The following ZBTB20 variants were observed in gnomAD, a reference collection of about 807,000 sequenced individuals.
The protein encoded by ZBTB20 is zinc finger and BTB domain containing 20, also known as zinc finger and BTB domain-containing protein 20.
ZBTB20 carries 9 observed loss-of-function variants against 56.9 expected under a neutral mutation model. The observed-to-expected ratio is 0.16, with a 90% CI of 0.10 to 0.28. ZBTB20 has a LOEUF of 0.28. Ranked by LOEUF, ZBTB20 falls within the 10% of genes least tolerant of loss-of-function variation. The pLI, the probability that ZBTB20 is intolerant of heterozygous loss-of-function variation, is 1.00. For missense variants in ZBTB20, 655 were observed against 1,003.0 expected (o/e 0.65, Z 4.69); for synonymous variants, 417 against 420.7 (o/e 0.99, Z 0.11).
intron 2 of ZBTB20, among the ~76,000 whole-genome samples, chr3:114,993,421 T>A (rs1347262891): frequency 6.6e-6 from 1 of 151,866 alleles, no homozygotes; most frequent in Non-Finnish European, 1.5e-5. Flanking sequence ...ATTACATCAT[T>A]TTGAACTAAC....
At chr3:114,644,593 A>G (rs2059740652) in intron 6 of ZBTB20, among the ~76,000 whole-genome samples, 1 of 152,132 alleles carries the variant, frequency 6.6e-6, no homozygotes, top group Admixed American at 6.6e-5. Context: ...TTAAAAAATC[A>G]AAGAACAACA....
In ZBTB20 at chr3:114,621,687, G is replaced by A. The variant is rs549913804; in HGVS notation, c.-295+71841C>T. 1.2e-4 allele frequency among the ~76,000 whole-genome samples: 19 copies of A among 152,144 alleles called. No individual in the cohort carries two copies. The East Asian group carries it at 2.9e-3, about 23-fold the overall frequency. On this transcript the variant is annotated intron_variant, in intron 6 of 11. Coordinates refer to ENST00000675478, the MANE Select transcript of ZBTB20 (RefSeq NM_001348800.3). ...AAGTACTTACAGCTAAAATATGCACGCAAGAAAATACACATTTCACAACAT... is the reference window on the plus strand; with the variant it reads ...AAGTACTTACAGCTAAAATATGCACACAAGAAAATACACATTTCACAACAT...
intron 7 of ZBTB20, among the ~76,000 whole-genome samples, chr3:114,467,362 T>C (rs773265012): frequency 1.3e-5 from 2 of 152,150 alleles, no homozygotes; most frequent in East Asian, 1.9e-4. Context: ...ACTTACATTT[T>C]GTGGGCAGAT....
rs754310386 is a variant in ZBTB20 at position 114,350,756 on chromosome 3, A to G, written c.1322T>C (p.Met441Thr). Residue 441 changes from methionine to threonine, a missense_variant, in exon 11 of 12, where the codon ATG becomes ACG. Around this residue, in one of 10 missense-constraint regions of ZBTB20, gnomAD observed 156 missense variants for 181.0 expected, o/e 0.86. Transcript: ENST00000675478. ...SSPERSNEVE[M>T]DSTVITVSNS... ...GCTGACAGTGATAACAGTGCTGTCC[A>G]TCTCCACTTCATTGCTTCTCTCCGG... is the stretch of plus-strand genomic sequence containing the variant. 2 of 1,614,010 alleles carry G rather than the reference A, an allele frequency of 1.2e-6. No individual in the cohort carries two copies. Among genetic ancestry groups the G allele is most frequent in the Non-Finnish European group, 1.7e-6 (2 of 1,180,018 alleles).
intron 6 of ZBTB20, among the ~76,000 whole-genome samples, chr3:114,535,019 A>T (rs1351673968): frequency 2.0e-5 from 3 of 152,242 alleles, no homozygotes; most frequent in African/African-American, 7.2e-5. Context: ...ATAGCACTAA[A>T]TGCCCACAGG....
intron 6 of ZBTB20, among the ~76,000 whole-genome samples, chr3:114,623,127 G>A (rs1365596847): frequency 2.0e-5 from 3 of 152,112 alleles, no homozygotes; most frequent in Non-Finnish European, 4.4e-5. Context: ...CCAGTAAGAT[G>A]GAATACCTCT....
At chr3:114,901,864 T>A (rs951541717) in intron 3 of ZBTB20, among the ~76,000 whole-genome samples, 5 of 152,250 alleles carry the variant, frequency 3.3e-5, no homozygotes, top group African/African-American at 1.2e-4. Context: ...AGTGATTATA[T>A]CTGGATAATA....
intron 7 of ZBTB20, among the ~76,000 whole-genome samples, chr3:114,494,181 T>C (rs986339572): frequency 2.6e-5 from 4 of 152,218 alleles, no homozygotes; most frequent in African/African-American, 9.7e-5. Context: ...TTATTGTTAT[T>C]ATTAGTTGAA....
chr3:114,468,547 T>C (rs1212729611), intron 7 of ZBTB20, among the ~76,000 whole-genome samples: 1 of 152,218 alleles, frequency 6.6e-6, no homozygotes, highest in Non-Finnish European at 1.5e-5. Flanking sequence ...TCTGCATTCA[T>C]TCTTTCAAGA....
In ZBTB20 at chr3:115,063,679, AC is replaced by A. The variant is rs1393184686; in HGVS notation, c.-507+7539del. On this transcript the variant is annotated intron_variant, in intron 2 of 11. Transcript: ENST00000675478. ...CACACACACACACACACACACACAC[AC>A]ACAAACACACACACACAGTTTACCA... 1.1e-3 allele frequency among the ~76,000 whole-genome samples: 167 copies of A among 151,478 alleles called. 1 individual carries two copies. Among genetic ancestry groups the A allele is most frequent in the Middle Eastern group, 3.4e-3 (1 of 292 alleles).
At chr3:114,941,422 T>C (rs553746555) in intron 3 of ZBTB20, among the ~76,000 whole-genome samples, 17 of 146,392 alleles carry the variant, frequency 1.2e-4, no homozygotes, top group Admixed American at 1.1e-3. Flanking sequence ...TTCAAATCAA[T>C]AGAATTCATG....
chr3:115,007,333 C>T, intron 2 of ZBTB20, among the ~76,000 whole-genome samples: 1 of 151,258 alleles, frequency 6.6e-6, no homozygotes, highest in Admixed American at 6.6e-5. Flanking sequence ...GAGGAAATAC[C>T]ATTTTCTGAA....
chr3:114,742,511 C>G (rs920401373), intron 5 of ZBTB20, among the ~76,000 whole-genome samples: 6 of 152,142 alleles, frequency 3.9e-5, no homozygotes, highest in African/African-American at 1.4e-4. Context: ...GGTACGATGT[C>G]AAACATTTAA....
chr3:114,486,570 A>C (rs545227159), intron 7 of ZBTB20, among the ~76,000 whole-genome samples: 3 of 152,266 alleles, frequency 2.0e-5, no homozygotes, highest in Non-Finnish European at 4.4e-5. Flanking sequence ...TAGAAAAAAA[A>C]CTCAGAAAAT....
At chr3:114,560,672 G>C (rs2051906898) in intron 6 of ZBTB20, among the ~76,000 whole-genome samples, 2 of 152,124 alleles carry the variant, frequency 1.3e-5, no homozygotes, top group African/African-American at 2.4e-5. Flanking sequence ...ACCACCCTCT[G>C]AGCTTTCAAG....
At chr3:114,426,775 A>G (rs2089711057) in intron 7 of ZBTB20, among the ~76,000 whole-genome samples, 1 of 152,212 alleles carries the variant, frequency 6.6e-6, no homozygotes, top group Non-Finnish European at 1.5e-5. Flanking sequence ...AAAACAAGGT[A>G]AGAACCACTC....
At chr3:115,005,223 T>C (rs933755948) in intron 2 of ZBTB20, among the ~76,000 whole-genome samples, 1 of 151,828 alleles carries the variant, frequency 6.6e-6, no homozygotes, top group Non-Finnish European at 1.5e-5. Flanking sequence ...TTCCACCTCT[T>C]GATTTTATTT....
At chr3:115,059,686 C>T (rs898902826) in intron 2 of ZBTB20, among the ~76,000 whole-genome samples, 1 of 152,174 alleles carries the variant, frequency 6.6e-6, no homozygotes, top group Non-Finnish European at 1.5e-5. Context: ...TCTACTGCCT[C>T]ATCTCCCTGA....
chr3:115,013,769 A>G (rs1003416792), intron 2 of ZBTB20, among the ~76,000 whole-genome samples: 2 of 151,708 alleles, frequency 1.3e-5, no homozygotes, highest in Non-Finnish European at 3.0e-5. Context: ...ACAGTAACAA[A>G]TGCTGGCAAG....
Sources: gnomAD v4.1 joint callset for allele counts (sites outside exome capture counted in the v4.1 genomes callset) on GRCh38, gnomAD v4.1.1 for gene constraint, gnomAD v4.1.1 regional missense constraint, MANE v1.5 for transcripts, NCBI Gene and HGNC (gene_info 2026-07-23, HGNC 2026-07-21) for gene names.